Variants in RAI1 observed in about 807,000 individuals in gnomAD.
RAI1 encodes retinoic acid-induced protein 1.
In RAI1, 9 loss-of-function variants were observed where a neutral mutation model predicts 123.8. That is an observed-to-expected ratio of 0.07 (90% CI 0.04 to 0.13). The LOEUF is 0.13. Among genes scored for constraint, RAI1 ranks in the 10% least tolerant of loss-of-function variants. The pLI, the probability that RAI1 is intolerant of heterozygous loss-of-function variation, is 1.00. For synonymous variants in RAI1, 1,231 were observed against 1,127.3 expected, an observed-to-expected ratio of 1.09 and a Z score of -1.84; for missense variants, 2,256 against 2,545.8, an observed-to-expected ratio of 0.89 and a Z score of 2.45.
chr17:17,754,469 C>G (rs944845185), intron 2 of RAI1, among the ~76,000 whole-genome samples: 11 of 152,160 alleles, frequency 7.2e-5, no homozygotes, highest in African/African-American at 2.7e-4. Flanking sequence ...CTCCCGACTT[C>G]GGGTGATCCG....
At chr17:17,736,277 ATGGCCCCTGCCCCCAGGTCAGACC>A (rs1916430009) in intron 2 of RAI1, among the ~76,000 whole-genome samples, 1 of 152,162 alleles carries the variant, frequency 6.6e-6, no homozygotes, top group Non-Finnish European at 1.5e-5. Context: ...GGCTCCTCTC[ATGGCCCCTGCCCCCAGGTCAGACC>A]TGGGAGGCTC....
At chr17:17,695,405 G>A (rs541482399) in intron 1 of RAI1, among the ~76,000 whole-genome samples, 1 of 152,254 alleles carries the variant, frequency 6.6e-6, no homozygotes, top group South Asian at 2.1e-4. Context: ...CACCCCGCCT[G>A]CCCTGGGGGA....
chr17:17,796,145 C>A lies in RAI1; in HGVS notation c.3197C>A (p.Pro1066His). ...CTRSLTALSEPRTPGPPGLTT... is the reference protein window; with the variant it reads ...CTRSLTALSEHRTPGPPGLTT... Reference sequence around the variant, plus strand: ...CGTTCTCTCACGGCCCTGAGTGAGCCCCGCACGCCCGGACCCCCAGGCCTG... The same window carrying A: ...CGTTCTCTCACGGCCCTGAGTGAGCACCGCACGCCCGGACCCCCAGGCCTG... The change falls in exon 3 of 6, where the codon CCC becomes CAC. Residue 1066 changes from proline (P) to histidine (H), a missense_variant. Transcript: ENST00000353383. This position sits in a 1 kb window ranked among gnomAD's most constrained non-coding sequence, Gnocchi z 5.8. 1 of 1,568,222 alleles carries A rather than the reference C, an allele frequency of 6.4e-7. No homozygotes were observed. Among genetic ancestry groups the A allele is most frequent in the South Asian group, 1.2e-5 (1 of 86,324 alleles).
chr17:17,794,652 T>C lies in RAI1; in HGVS notation c.1704T>C (p.Ser568=). ...CTCCTGACGACATGTCCACCAAATC[T>C]GACGACTCCTTCCAGAGCCTACACG... The part of the protein sequence containing the change: ...VTSPDDMSTK[S]DDSFQSLHGS... The change falls in exon 3 of 6, where the codon TCT becomes TCC. Residue 568 remains serine (S), a synonymous_variant. Coordinates refer to ENST00000353383, the MANE Select transcript of RAI1 (RefSeq NM_030665.4). The C allele has an allele frequency of 1.2e-6, 2 of 1,612,904 alleles. No homozygotes were observed. Among genetic ancestry groups the C allele is most frequent in the Non-Finnish European group, 8.5e-7 (1 of 1,180,000 alleles).
At chr17:17,802,018 C>G in intron 3 of RAI1, 1 of 468,750 alleles carries the variant, frequency 2.1e-6, no homozygotes, top group Non-Finnish European at 4.4e-6. Flanking sequence ...GCTGCCTTCT[C>G]TACCTCACCC....
chr17:17,761,468 T>C (rs1017394944), intron 2 of RAI1, among the ~76,000 whole-genome samples: 3 of 152,142 alleles, frequency 2.0e-5, no homozygotes, highest in Non-Finnish European at 2.9e-5. Context: ...GCTGGGAGGC[T>C]GACAGCTGTG....
intron 2 of RAI1, among the ~76,000 whole-genome samples, chr17:17,750,941 G>T (rs1404355496): frequency 3.9e-5 from 6 of 152,198 alleles, no homozygotes; most frequent in African/African-American, 1.4e-4. Context: ...CCAGGGCTCA[G>T]CACTTCATCA....
In RAI1 at chr17:17,794,414, C is replaced by T; in HGVS notation, c.1466C>T (p.Ser489Leu). 1 of 1,612,982 alleles carries T rather than the reference C, an allele frequency of 6.2e-7. No individual in the cohort carries two copies. The stretch of plus-strand genomic sequence containing the variant: ...TGCAGCCCCGAAGGGAGCGGCTACT[C>T]AGCCGAGCCCGCAGGCACACCGCTG... ...QHCSPEGSGY[S>L]AEPAGTPLSE... The change falls in exon 3 of 6, where the codon TCA becomes TTA. Residue 489 changes from serine to leucine, a missense_variant. Physicochemically the swap from Ser to Leu is moderately radical, Grantham distance 145 (BLOSUM62 -2). This residue lies in a region of RAI1 where 357 missense variants were observed against 480.2 expected (regional missense o/e 0.74). Transcript: ENST00000353383.
intron 2 of RAI1, among the ~76,000 whole-genome samples, chr17:17,737,293 G>T (rs142926390): frequency 4.0e-4 from 61 of 152,232 alleles, no homozygotes; most frequent in African/African-American, 1.4e-3. Context: ...GGTCTCAGGG[G>T]CCCAGAGACC....
chr17:17,783,452 C>G (rs966706567), intron 2 of RAI1, among the ~76,000 whole-genome samples: 3 of 151,802 alleles, frequency 2.0e-5, no homozygotes, highest in Non-Finnish European at 4.4e-5. Flanking sequence ...TGAAATTTTA[C>G]CTGCCCCTGA....
chr17:17,793,899 A>G lies in RAI1; in HGVS notation c.951A>G (p.Gln317=). ...NLAKYQHYGQ[Q]GQGYCQPDAA... ...CCAAGTATCAGCACTACGGGCAGCAAGGCCAGGGCTACTGCCAGCCGGACG... is the reference window on the plus strand; with the variant it reads ...CCAAGTATCAGCACTACGGGCAGCAGGGCCAGGGCTACTGCCAGCCGGACG... The change falls in exon 3 of 6, where the codon CAA becomes CAG. Residue 317 remains glutamine, a synonymous_variant. Transcript: ENST00000353383. 1 of 1,613,860 alleles carries G rather than the reference A, an allele frequency of 6.2e-7. No individual in the cohort carries two copies. Among genetic ancestry groups the G allele is most frequent in the Non-Finnish European group, 8.5e-7 (1 of 1,180,040 alleles).
At chr17:17,693,598 G>A (rs1344810207) in intron 1 of RAI1, among the ~76,000 whole-genome samples, 1 of 152,252 alleles carries the variant, frequency 6.6e-6, no homozygotes, top group Non-Finnish European at 1.5e-5. Context: ...ATGAGGCGGC[G>A]CTTGCTGCAA....
intron 2 of RAI1, among the ~76,000 whole-genome samples, chr17:17,791,881 G>T (rs2143001183): frequency 6.6e-6 from 1 of 152,264 alleles, no homozygotes; most frequent in Middle Eastern, 3.4e-3. Context: ...TCCTGACCCA[G>T]GATTCTGCTC....
At chr17:17,743,329 C>T (rs1400392233) in intron 2 of RAI1, among the ~76,000 whole-genome samples, 1 of 152,196 alleles carries the variant, frequency 6.6e-6, no homozygotes, top group Non-Finnish European at 1.5e-5. Context: ...CATGGGTAGG[C>T]ACTTGATAAA....
intron 2 of RAI1, among the ~76,000 whole-genome samples, chr17:17,725,872 C>T (rs1025101626): frequency 4.0e-5 from 6 of 151,816 alleles, no homozygotes; most frequent in African/African-American, 1.5e-4. Context: ...GGGAGGGGGG[C>T]GGCTAGACTG....
intron 1 of RAI1, among the ~76,000 whole-genome samples, chr17:17,713,862 T>C (rs1376427699): frequency 6.6e-6 from 1 of 152,166 alleles, no homozygotes; most frequent in Admixed American, 6.5e-5. Context: ...CTCCAGCTCT[T>C]GTGGATCCAT....
rs1388437267 is a variant in RAI1 at position 17,810,851 on chromosome 17, T to C, written c.*870T>C. On this transcript the variant is annotated 3_prime_UTR_variant, in exon 6 of 6. Transcript: ENST00000353383. The surrounding 1 kb of genome is among the most constrained non-coding windows in gnomAD (Gnocchi z 4.6). Reference sequence around the variant, plus strand: ...GTGCACCACCAGGGACCGCCGCGCCTACTCTGCACGGGAGCAGGGACAGCG... The same window carrying C: ...GTGCACCACCAGGGACCGCCGCGCCCACTCTGCACGGGAGCAGGGACAGCG... 2.2e-6 allele frequency: 1 copy of C among 450,366 alleles called. No homozygotes were observed. The highest frequency in any genetic ancestry group is 4.5e-6 in the Non-Finnish European group (1 of 222,158). The allele number at this position is 450,366 out of a possible 1,614,324, so 27.9% of individuals were successfully genotyped here.
Position 17,809,837 on chromosome 17 carries a change from C to CT in RAI1, c.5710-133_5710-132insT, listed in dbSNP as rs1485675336. On this transcript the variant is annotated intron_variant, in intron 5 of 5. Coordinates refer to ENST00000353383, the MANE Select transcript of RAI1 (RefSeq NM_030665.4). This position sits in a 1 kb window ranked among gnomAD's most constrained non-coding sequence, Gnocchi z 4.9. ...CCAGAAGGGGTGGTGCCGACGGCCT[C>CT]GGGCGGAGACCCCAGCCGCGCTCTG... 2.3e-3 allele frequency: 3,013 copies of CT among 1,284,822 alleles called. 12 individuals are homozygous for CT. In the Middle Eastern group the frequency reaches 0.025, roughly 11 times the overall value. 79.6% of individuals were successfully genotyped at this position (1,284,822 alleles called of 1,614,324 possible).
intron 4 of RAI1, among the ~76,000 whole-genome samples, chr17:17,806,491 A>C (rs4925113): frequency 0.053 from 8,077 of 152,276 alleles, 728 homozygotes; most frequent in African/African-American, 0.18. Flanking sequence ...CAGCTTCCCC[A>C]TGAAGGGGAG....
Sources: allele counts gnomAD v4.1 joint callset (sites outside exome capture counted in the v4.1 genomes callset), GRCh38; gene constraint gnomAD v4.1.1; regional missense constraint gnomAD v4.1.1; non-coding constraint Gnocchi (gnomAD v3.1); transcripts MANE v1.5; gene names NCBI Gene and HGNC (gene_info 2026-07-23, HGNC 2026-07-21).